KIDINS220: variants seen among roughly 807,000 people sequenced by gnomAD.
KIDINS220 encodes kinase D-interacting substrate of 220 kDa.
In KIDINS220, 63 loss-of-function variants were observed where a neutral mutation model predicts 157.6. The ratio of observed to expected loss-of-function variants is 0.40; its 90% CI spans 0.33 to 0.49. KIDINS220 has a LOEUF of 0.49. Ranked by LOEUF, KIDINS220 falls within the 20% of genes least tolerant of loss-of-function variation. KIDINS220 has a pLI of 0.66. For missense variants in KIDINS220, 1,772 were observed against 2,171.2 expected (o/e 0.82, Z 3.65); for synonymous variants, 732 against 783.6 (o/e 0.93, Z 1.10).
chr2:8,819,350 T>C (rs528004184), intron 2 of KIDINS220, among the ~76,000 whole-genome samples: 18 of 152,278 alleles, frequency 1.2e-4, no homozygotes, highest in African/African-American at 4.1e-4. Flanking sequence ...TCCCAGCCTT[T>C]GTGTTAAGAA....
downstream of KIDINS220, chr2:8,727,411 T>C (rs141080905): frequency 4.3e-6 from 1 of 232,916 alleles, no homozygotes; most frequent in African/African-American, 2.3e-5. Flanking sequence ...TTCTAGTGCT[T>C]TTCCTGGTAG....
chr2:8,768,293 C>G (rs1422124062), intron 22 of KIDINS220, among the ~76,000 whole-genome samples: 1 of 150,174 alleles, frequency 6.7e-6, no homozygotes, highest in Non-Finnish European at 1.5e-5. Context: ...GCTTTCAACT[C>G]AACACATAAT....
chr2:8,819,084 C>T (rs992224329), intron 2 of KIDINS220, among the ~76,000 whole-genome samples: 3 of 151,934 alleles, frequency 2.0e-5, no homozygotes, highest in African/African-American at 7.3e-5. Context: ...ATTTGGAATG[C>T]AATTACTGAA....
intron 24 of KIDINS220, among the ~76,000 whole-genome samples, chr2:8,749,035 T>G (rs1332751880): frequency 6.6e-6 from 1 of 152,214 alleles, no homozygotes; most frequent in Non-Finnish European, 1.5e-5. Flanking sequence ...TCACACTGCC[T>G]ACCACACAGT....
intron 1 of KIDINS220, among the ~76,000 whole-genome samples, chr2:8,831,265 A>T (rs954356214): frequency 6.6e-6 from 1 of 152,136 alleles, no homozygotes; most frequent in East Asian, 1.9e-4. Flanking sequence ...GATTCTTCAC[A>T]ATCTGGCCCC....
rs77388212 is a variant in KIDINS220, at chr2:8,753,039, A to G, written c.3012-1395T>C. Reference sequence around the variant, plus strand: ...AGTTTTTGTAGGTCAAAAATGGTCAAATGTTGACAATTCCTGATCTAAGGC... The same window carrying G: ...AGTTTTTGTAGGTCAAAAATGGTCAGATGTTGACAATTCCTGATCTAAGGC... On this transcript the variant is annotated intron_variant, in intron 22 of 29. Transcript: ENST00000256707. Among the ~76,000 whole-genome samples the G allele has an allele frequency of 1.6e-4, 25 of 152,352 alleles. 1 individual carries two copies. The East Asian group carries it at 3.7e-3, about 22-fold the overall frequency.
rs1166757182 is a variant in KIDINS220 at position 8,729,536 on chromosome 2, G to C, written c.*1184C>G. The C allele has an allele frequency of 7.1e-6, 7 of 981,292 alleles. No homozygotes were observed. In the East Asian group the frequency reaches 3.4e-4, roughly 48 times the overall value. The allele number at this position is 981,292 out of a possible 1,614,324, so 60.8% of individuals were successfully genotyped here. A position where few individuals can be genotyped will look rare whatever the true frequency, so the allele number is the denominator to read the frequency against. On this transcript the variant is annotated 3_prime_UTR_variant, in exon 30 of 30. Coordinates refer to ENST00000256707, the MANE Select transcript of KIDINS220 (RefSeq NM_020738.4). ...TTCAATGTGACCATTCTCTTAACTCGGCTAATAATTAATGGAAAGTACACT... is the reference window on the plus strand; with the variant it reads ...TTCAATGTGACCATTCTCTTAACTCCGCTAATAATTAATGGAAAGTACACT...
At chr2:8,810,888 T>C (rs1676205380) in intron 6 of KIDINS220, among the ~76,000 whole-genome samples, 1 of 152,226 alleles carries the variant, frequency 6.6e-6, no homozygotes, top group African/African-American at 2.4e-5. Context: ...GCAATATTCT[T>C]AAATGCCATA....
chr2:8,734,532 A>G (rs1385133099), intron 28 of KIDINS220, 123 bp downstream of exon 28: 1 of 625,806 alleles, frequency 1.6e-6, no homozygotes, highest in Non-Finnish European at 2.6e-6. Flanking sequence ...ATTTAAAAAA[A>G]TATGAAAAAA....
At chr2:8,723,869 G>A (rs1663115564), downstream of KIDINS220, 1 of 152,176 alleles carries the variant, frequency 6.6e-6, no homozygotes. Context: ...ATCCACATGG[G>A]AGGCACCGCC....
At position 8,750,138 on chromosome 2, in the gene KIDINS220, C is replaced by T; in HGVS notation, c.3388G>A (p.Gly1130Ser). The change falls in exon 24 of 30, where the codon GGC becomes AGC. Residue 1130 changes from glycine (G) to serine (S), a missense_variant. Transcript: ENST00000256707. ...CTGTTGTAGAAGGGATGCTGAGGGC[C>T]CGTCATGCCGCTGTAATAGCTGCTG... ...PHSSYYSGMTGPQHPFYNRPF... is the reference protein window; with the variant it reads ...PHSSYYSGMTSPQHPFYNRPF... 1.2e-6 allele frequency: 2 copies of T among 1,614,102 alleles called. No individual in the cohort carries two copies. Among genetic ancestry groups the T allele is most frequent in the Non-Finnish European group, 1.7e-6 (2 of 1,179,996 alleles).
Position 8,733,516 on chromosome 2 carries a change from G to T in KIDINS220, c.3981C>A (p.Asn1327Lys). Reference protein sequence around the residue: ...ELSSQTPYTLNFSFEELNTLG... With the variant: ...ELSSQTPYTLKFSFEELNTLG... ...GCGTGTTCAGCTCTTCGAAGCTGAAGTTGAGTGTGTAGGGCGTCTGGCTGG... is the reference window on the plus strand; with the variant it reads ...GCGTGTTCAGCTCTTCGAAGCTGAATTTGAGTGTGTAGGGCGTCTGGCTGG... Residue 1327 changes from asparagine (N) to lysine (K), a missense_variant, in exon 29 of 30, where the codon AAC becomes AAA. By Grantham distance (94) the Asn-to-Lys change is moderately conservative. This residue lies in a region of KIDINS220 where 793 missense variants were observed against 885.5 expected (regional missense o/e 0.90). Coordinates refer to ENST00000256707, the MANE Select transcript of KIDINS220 (RefSeq NM_020738.4). 6.2e-7 allele frequency: 1 copy of T among 1,614,196 alleles called. No individual in the cohort carries two copies. Among genetic ancestry groups the T allele is most frequent in the Non-Finnish European group, 8.5e-7 (1 of 1,180,036 alleles).
chr2:8,824,547 G>A (rs1678463309), intron 2 of KIDINS220, among the ~76,000 whole-genome samples: 1 of 152,090 alleles, frequency 6.6e-6, no homozygotes, highest in African/African-American at 2.4e-5. Flanking sequence ...CAGGTATGGT[G>A]GTGCACACCT....
chr2:8,790,155 T>C, intron 13 of KIDINS220, 96 bp from the exon 14 acceptor site: 1 of 1,133,558 alleles, frequency 8.8e-7, no homozygotes, highest in South Asian at 1.6e-5. Context: ...AATGTAAACA[T>C]TTATTGGACA....
At position 8,796,713 on chromosome 2, in the gene KIDINS220, T is replaced by C. The variant is rs945009696; in HGVS notation, c.1098+58A>G. 16 of 1,269,072 alleles carry C rather than the reference T, an allele frequency of 1.3e-5. No homozygotes were observed. The Admixed American group carries it at 2.4e-4, about 19-fold the overall frequency. 78.6% of individuals were successfully genotyped at this position (1,269,072 alleles called of 1,614,324 possible). ...AGATCCCCATTAAATCCACTCCATA[T>C]AGAGGTCAGTCGACCAACAGCTTTC... On this transcript the variant is annotated intron_variant, in intron 11 of 29. Coordinates refer to ENST00000256707, the MANE Select transcript of KIDINS220 (RefSeq NM_020738.4).
At chr2:8,762,894 A>C (rs927779558) in intron 22 of KIDINS220, among the ~76,000 whole-genome samples, 1 of 152,230 alleles carries the variant, frequency 6.6e-6, no homozygotes, top group Non-Finnish European at 1.5e-5. Flanking sequence ...TGATTTTTTA[A>C]AGCTTTCCAC....
At chr2:8,787,983 G>T (rs75495701) in intron 15 of KIDINS220, among the ~76,000 whole-genome samples, 9,661 of 152,186 alleles carry the variant, frequency 0.063, 981 homozygotes, top group African/African-American at 0.21. Context: ...TGGGGACCAA[G>T]GCCAGTGGCT....
Position 8,770,727 on chromosome 2 carries a change from TATA to T in KIDINS220, c.2951_2953del (p.Leu984del). On this transcript the variant is annotated inframe_deletion, in exon 22 of 30. Transcript: ENST00000256707. ...TGGAATACCTTCAGTCTCTTCCAAA[TATA>T]ATATGAGCCATGAAGTCCGGTATGG... The T allele has an allele frequency of 6.2e-7, 1 of 1,611,672 alleles. No homozygotes were observed.
At chr2:8,757,427 C>A in intron 22 of KIDINS220, 1 of 1,264,312 alleles carries the variant, frequency 7.9e-7, no homozygotes, top group South Asian at 1.8e-5. Flanking sequence ...CAGCTTTAAC[C>A]TTTAGTCATG....
Sources: allele counts gnomAD v4.1 joint callset (sites outside exome capture counted in the v4.1 genomes callset), GRCh38; gene constraint gnomAD v4.1.1; regional missense constraint gnomAD v4.1.1; transcripts MANE v1.5; gene names NCBI Gene and HGNC (gene_info 2026-07-23, HGNC 2026-07-21).